The following SLC1A3 variants were observed in gnomAD, a reference collection of about 807,000 sequenced individuals.
SLC1A3 encodes the protein solute carrier family 1 member 3, also known as excitatory amino acid transporter 1.
Under a neutral mutation model 48.1 loss-of-function variants are expected in SLC1A3, and 21 were observed. The observed-to-expected ratio is 0.44, with a 90% CI of 0.31 to 0.63. SLC1A3 has a LOEUF of 0.63. SLC1A3 is among the 20% of genes least tolerant of loss of function. The pLI, the probability that SLC1A3 is intolerant of heterozygous loss-of-function variation, is 0.08. For missense variants in SLC1A3, 546 were observed against 689.0 expected (o/e 0.79, Z 2.32); for synonymous variants, 239 against 251.4 (o/e 0.95, Z 0.47).
intron 9 of SLC1A3, 103 bp from the exon 10 acceptor site, chr5:36,685,962 C>T (rs952133565): frequency 2.4e-6 from 2 of 848,796 alleles, no homozygotes; most frequent in Non-Finnish European, 4.1e-6. Flanking sequence ...ATACGGCGAA[C>T]TGAATGTTAA....
upstream of SLC1A3, among the ~76,000 whole-genome samples, chr5:36,604,915 G>T (rs887626854): frequency 1.3e-5 from 2 of 148,776 alleles, no homozygotes; most frequent in East Asian, 2.0e-4. Flanking sequence ...GTGGGGGGGG[G>T]GGGTGTGCAA....
At position 36,680,488 on chromosome 5, in the gene SLC1A3, C is replaced by T. The variant is rs1309265652; in HGVS notation, c.1188C>T (p.Thr396=). The T allele has an allele frequency of 6.2e-7, 1 of 1,614,124 alleles. No homozygotes were observed. Among genetic ancestry groups the T allele is most frequent in the East Asian group, 2.2e-5 (1 of 44,888 alleles). Residue 396 remains threonine (T), a synonymous_variant, in exon 8 of 10, where the codon ACC becomes ACT. Transcript: ENST00000265113. The part of the protein sequence containing the change: ...VTRFVLPVGA[T]INMDGTALYE... ...GATTCGTGCTCCCCGTAGGAGCCACCATTAACATGGATGGGACTGCCCTCT... is the reference window on the plus strand; with the variant it reads ...GATTCGTGCTCCCCGTAGGAGCCACTATTAACATGGATGGGACTGCCCTCT...
chr5:36,659,559 T>G (rs1271637119), intron 3 of SLC1A3, among the ~76,000 whole-genome samples: 3 of 152,214 alleles, frequency 2.0e-5, no homozygotes, highest in African/African-American at 7.2e-5. Context: ...AGTCACAAGC[T>G]GATAAGTGGG....
At chr5:36,676,753 G>A (rs1157803438) in intron 5 of SLC1A3, 139 bp from the exon 6 acceptor site, 3 of 672,114 alleles carry the variant, frequency 4.5e-6, no homozygotes, top group Non-Finnish European at 7.4e-6. Flanking sequence ...TAAAGAGAGA[G>A]AGAGACTTTC....
intron 1 of SLC1A3, among the ~76,000 whole-genome samples, chr5:36,597,233 CTTTTTTTTTTTTTTT>C (rs70976237): frequency 2.0e-3 from 94 of 46,128 alleles, no homozygotes; most frequent in African/African-American, 7.0e-3. Context: ...TTCTTCCTTT[CTTTTTTTTTTTTTTT>C]TTTTTTTTTT....
At chr5:36,623,339 GCAAAATTTGTTT>G (rs1344499785) in intron 2 of SLC1A3, among the ~76,000 whole-genome samples, 1 of 152,114 alleles carries the variant, frequency 6.6e-6, no homozygotes, top group Non-Finnish European at 1.5e-5. Context: ...TGCAAACTTT[GCAAAATTTGTTT>G]CAGCTCTAAC....
In SLC1A3 at chr5:36,597,952, A is replaced by G. The variant is rs1042198758; in HGVS notation, c.-96+1274A>G. ...GAGGTCTTCCTCTGACACGTATTTC[A>G]TTGCTCATGTTTTCCCTACCATAAT... On this transcript the variant is annotated intron_variant, in intron 1 of 9. Transcript: ENST00000680318. 1.2e-4 allele frequency among the ~76,000 whole-genome samples: 18 copies of G among 152,054 alleles called. 1 individual carries two copies. Among genetic ancestry groups the G allele is most frequent in the Admixed American group, 6.6e-4 (10 of 15,260 alleles).
In SLC1A3 at chr5:36,597,233, C is replaced by CTTTTTTTTTTTTTTT. The variant is rs70976237; in HGVS notation, c.-96+572_-96+586dup. On this transcript the variant is annotated intron_variant, in intron 1 of 9. Transcript: ENST00000680318. ...CACACCGAAAACTTCTTCTTCCTTT[C>CTTTTTTTTTTTTTTT]TTTTTTTTTTTTTTTTTTTTTTTTT... is the stretch of plus-strand genomic sequence containing the variant. 3.7e-4 allele frequency among the ~76,000 whole-genome samples: 17 copies of CTTTTTTTTTTTTTTT among 46,114 alleles called. 6 individuals carry two copies. The highest frequency in any genetic ancestry group is 1.7e-3 in the Admixed American group (4 of 2,390). 30.3% of individuals were successfully genotyped at this position (46,114 alleles called of 152,430 possible). A position where few individuals can be genotyped will look rare whatever the true frequency, so the allele number is the denominator to read the frequency against.
intron 3 of SLC1A3, among the ~76,000 whole-genome samples, chr5:36,633,279 C>G (rs1034803855): frequency 3.3e-5 from 5 of 152,134 alleles, no homozygotes; most frequent in Non-Finnish European, 2.9e-5. Context: ...CAATCACTTA[C>G]CTCAGAAGAA....
chr5:36,602,441 C>T (rs1426394129), upstream of SLC1A3, among the ~76,000 whole-genome samples: 1 of 152,196 alleles, frequency 6.6e-6, no homozygotes, highest in Non-Finnish European at 1.5e-5. Context: ...CTGCTGAAGG[C>T]TTCAATTCCA....
At chr5:36,686,014 T>A in intron 9 of SLC1A3, 51 bp from the exon 10 acceptor site, 2 of 1,484,840 alleles carry the variant, frequency 1.3e-6, no homozygotes, top group Non-Finnish European at 1.9e-6. Flanking sequence ...GTTGAAAACT[T>A]GTGATGCTCA....
intron 3 of SLC1A3, among the ~76,000 whole-genome samples, chr5:36,643,090 G>T (rs1178081558): frequency 1.3e-5 from 2 of 151,906 alleles, no homozygotes; most frequent in Non-Finnish European, 2.9e-5. Flanking sequence ...CCTATTTTTT[G>T]GTTTGGTTTG....
chr5:36,677,101 C>T lies in SLC1A3; in HGVS notation c.777C>T (p.Asn259=). The part of the protein sequence containing the change: ...FSMCFGFVIG[N]MKEQGQALRE... ...TGTGCTTCGGTTTTGTGATTGGAAA[C>T]ATGAAGGAACAGGGGCAGGCCCTGA... The change falls in exon 6 of 10, where the codon AAC becomes AAT. Residue 259 remains asparagine, a synonymous_variant. Transcript: ENST00000265113. The T allele has an allele frequency of 6.2e-7, 1 of 1,614,142 alleles. No homozygotes were observed. Among genetic ancestry groups the T allele is most frequent in the Non-Finnish European group, 8.5e-7 (1 of 1,179,960 alleles).
intron 3 of SLC1A3, among the ~76,000 whole-genome samples, chr5:36,642,671 A>G (rs1250686093): frequency 1.3e-5 from 2 of 152,094 alleles, no homozygotes; most frequent in African/African-American, 2.4e-5. Context: ...GGACATTTTT[A>G]TCACCCCAGA....
At chr5:36,613,045 C>T (rs1739274050) in intron 2 of SLC1A3, 1 of 342,512 alleles carries the variant, frequency 2.9e-6, no homozygotes, top group South Asian at 2.2e-5. Flanking sequence ...CTGATGATGC[C>T]ACATTTGAAG....
At chr5:36,652,722 C>T (rs1200427490) in intron 3 of SLC1A3, among the ~76,000 whole-genome samples, 1 of 152,216 alleles carries the variant, frequency 6.6e-6, no homozygotes, top group Non-Finnish European at 1.5e-5. Context: ...CTTTATTCTT[C>T]TCCTCCCATA....
At chr5:36,612,100 CAG>C (rs1033329664) in intron 2 of SLC1A3, among the ~76,000 whole-genome samples, 30 of 152,014 alleles carry the variant, frequency 2.0e-4, no homozygotes, top group Admixed American at 7.9e-4. Flanking sequence ...CACACACACA[CAG>C]AGTTTGCATT....
intron 3 of SLC1A3, among the ~76,000 whole-genome samples, chr5:36,637,613 C>A (rs1740446645): frequency 1.3e-5 from 2 of 152,172 alleles, no homozygotes; most frequent in African/African-American, 4.8e-5. Context: ...CTTAATAAAT[C>A]TCCTTCAGAA....
rs751614772 is a variant in SLC1A3 at position 36,608,591 on chromosome 5, C to A, written c.168C>A (p.Thr56=). 4 of 1,613,086 alleles carry A rather than the reference C, an allele frequency of 2.5e-6. No homozygotes were observed. Among genetic ancestry groups the A allele is most frequent in the Non-Finnish European group, 3.4e-6 (4 of 1,179,730 alleles). The stretch of plus-strand genomic sequence containing the variant: ...ATGCTTTTGTGCTGCTCACAGTCAC[C>A]GCTGTCATTGTGGGTGAGTCATTTG... ...FRNAFVLLTV[T]AVIVGTILGF... Residue 56 remains threonine (T), a synonymous_variant, in exon 2 of 10, where the codon ACC becomes ACA. Coordinates refer to ENST00000265113, the MANE Select transcript of SLC1A3 (RefSeq NM_004172.5).
Sources: gnomAD v4.1 joint callset for allele counts (sites outside exome capture counted in the v4.1 genomes callset) on GRCh38, gnomAD v4.1.1 for gene constraint, MANE v1.5 for transcripts, NCBI Gene and HGNC (gene_info 2026-07-23, HGNC 2026-07-21) for gene names.